The following LMO7 variants were observed in gnomAD, a reference collection of about 807,000 sequenced individuals.
LMO7 encodes the protein LIM domain only protein 7.
A neutral mutation model predicts 206.5 loss-of-function variants in LMO7; 120 were observed. That is an observed-to-expected ratio of 0.58 (90% CI 0.50 to 0.68). The LOEUF (loss-of-function observed/expected upper bound fraction) is 0.68. LMO7 is among the 30% of genes least tolerant of loss of function. LMO7 has a pLI of 0.00. For synonymous variants in LMO7, 706 were observed against 681.5 expected (o/e 1.04, Z -0.56); for missense variants, 1,959 against 1,957.9 (o/e 1.00, Z -0.01).
At chr13:75,708,007 A>G (rs1034686566) in intron 1 of LMO7, among the ~76,000 whole-genome samples, 2 of 152,174 alleles carry the variant, frequency 1.3e-5, no homozygotes, top group Non-Finnish European at 2.9e-5. Context: ...TATTCTAAAT[A>G]TAACTAACTC....
At chr13:75,809,323 C>T (rs2141106443) in intron 11 of LMO7, 140 bp downstream of exon 11, 2 of 672,068 alleles carry the variant, frequency 3.0e-6, no homozygotes, top group East Asian at 5.6e-5. Context: ...AAATGTTTAT[C>T]TTGCAACCTA....
intron 14 of LMO7, among the ~76,000 whole-genome samples, chr13:75,822,808 TTATATA>T (rs1014592175): frequency 9.2e-6 from 1 of 108,134 alleles, no homozygotes; most frequent in African/African-American, 3.4e-5. Flanking sequence ...TTTCTAAAAA[TTATATA>T]TATATAATAA....
chr13:75,726,867 C>G (rs928030402), intron 2 of LMO7, among the ~76,000 whole-genome samples, 162 bp from the exon 3 acceptor site: 1 of 152,048 alleles, frequency 6.6e-6, no homozygotes, highest in Admixed American at 6.6e-5. Flanking sequence ...TCTTCTTTGT[C>G]TCTAGACTTG....
intron 18 of LMO7, among the ~76,000 whole-genome samples, chr13:75,836,021 T>A (rs1286397630): frequency 6.6e-6 from 1 of 152,176 alleles, no homozygotes; most frequent in African/African-American, 2.4e-5. Context: ...TATAACTCTT[T>A]TATTTAATAA....
intron 1 of LMO7, among the ~76,000 whole-genome samples, chr13:75,699,322 TC>T (rs1366095562): frequency 2.0e-5 from 3 of 152,142 alleles, no homozygotes; most frequent in Admixed American, 2.0e-4. Context: ...TGCACTGTGG[TC>T]ATAAGTTTTG....
intron 26 of LMO7, among the ~76,000 whole-genome samples, chr13:75,848,535 C>G (rs944400469): frequency 1.3e-5 from 2 of 152,130 alleles, no homozygotes; most frequent in African/African-American, 4.8e-5. Context: ...CACATTTTTG[C>G]ATTGCGAATT....
At chr13:75,845,899 C>T (rs939542848) in intron 26 of LMO7, among the ~76,000 whole-genome samples, 1 of 152,078 alleles carries the variant, frequency 6.6e-6, no homozygotes, top group African/African-American at 2.4e-5. Context: ...AAACCCTAAG[C>T]GGTAATTACC....
chr13:75,753,105 G>T (rs375703122), intron 3 of LMO7, among the ~76,000 whole-genome samples: 1 of 152,072 alleles, frequency 6.6e-6, no homozygotes, highest in African/African-American at 2.4e-5. Flanking sequence ...GTCATTTTCT[G>T]TCTTTTTAAT....
chr13:75,833,306 C>G (rs1272119365), intron 16 of LMO7, 141 bp downstream of exon 16: 1 of 612,350 alleles, frequency 1.6e-6, no homozygotes, highest in Non-Finnish European at 3.0e-6. Flanking sequence ...AAAATACATC[C>G]TCTTTCCTGA....
intron 9 of LMO7, chr13:75,806,005 T>C: frequency 1.7e-6 from 2 of 1,207,224 alleles, no homozygotes; most frequent in Non-Finnish European, 1.1e-6. Flanking sequence ...TCTGTTTTTC[T>C]CCAATTCTTT....
intron 3 of LMO7, among the ~76,000 whole-genome samples, chr13:75,755,932 T>C (rs1450816414): frequency 1.3e-5 from 2 of 152,190 alleles, no homozygotes; most frequent in Non-Finnish European, 2.9e-5. Context: ...AAGTGAAGAA[T>C]AGAGTGACAA....
chr13:75,739,375 T>G (rs951463233), intron 3 of LMO7, among the ~76,000 whole-genome samples: 2 of 152,088 alleles, frequency 1.3e-5, no homozygotes, highest in Non-Finnish European at 2.9e-5. Context: ...CTTTCAGGAG[T>G]AGAATGTGTA....
intron 1 of LMO7, among the ~76,000 whole-genome samples, chr13:75,678,701 G>A (rs1205685733): frequency 3.3e-5 from 5 of 152,278 alleles, no homozygotes; most frequent in Admixed American, 1.3e-4. Context: ...TAAAAATAAT[G>A]TTCTAGTCTA....
intron 17 of LMO7, 160 bp from the exon 18 acceptor site, chr13:75,835,073 T>A (rs913405837): frequency 1.8e-5 from 14 of 789,400 alleles, no homozygotes; most frequent in Non-Finnish European, 2.5e-5. Flanking sequence ...TTTTTTTTTA[T>A]ATATATGTGC....
chr13:75,848,230 G>A, intron 26 of LMO7, among the ~76,000 whole-genome samples: 1 of 152,020 alleles, frequency 6.6e-6, no homozygotes, highest in East Asian at 1.9e-4. Context: ...ACCCTTTCCT[G>A]CTGAGTCCAC....
Position 75,841,862 on chromosome 13 carries a change from G to A in LMO7, c.3910G>A (p.Glu1304Lys), listed in dbSNP as rs2059577881. Residue 1304 changes from glutamate (E) to lysine (K), a missense_variant, in exon 24 of 31, where the codon GAA becomes AAA. By Grantham distance (56) the Glu-to-Lys change is moderately conservative. Coordinates refer to ENST00000377534, the MANE Select transcript of LMO7 (RefSeq NM_001306080.2). ...GAGGAAATGGGAGCAACAGCTTCAG[G>A]AAGAGCAAGAGCAAAAGCGGCTTCA... ...RERKWEQQLQEEQEQKRLQAE... is the reference protein window; with the variant it reads ...RERKWEQQLQKEQEQKRLQAE... 3.1e-6 allele frequency: 5 copies of A among 1,614,118 alleles called. No individual in the cohort carries two copies. Among genetic ancestry groups the A allele is most frequent in the Non-Finnish European group, 4.2e-6 (5 of 1,179,996 alleles).
chr13:75,844,333 T>G (rs1457443124), intron 25 of LMO7, among the ~76,000 whole-genome samples: 1 of 151,184 alleles, frequency 6.6e-6, no homozygotes, highest in Non-Finnish European at 1.5e-5. Context: ...TACATATATG[T>G]ACATAAGTAT....
At chr13:75,705,635 C>G (rs1358073466) in intron 1 of LMO7, among the ~76,000 whole-genome samples, 2 of 152,130 alleles carry the variant, frequency 1.3e-5, no homozygotes, top group African/African-American at 2.4e-5. Flanking sequence ...TGTGTCACAC[C>G]TTAAATAACT....
At position 75,626,595 on chromosome 13, in the gene LMO7, A is replaced by ATATTTTTTTTTTTTTTTTTTTTT; in HGVS notation, c.225+3276_225+3277insATTTTTTTTTTTTTTTTTTTTTT. Reference sequence around the variant, plus strand: ...ATATATATTATATATATATATATAAATTTTTTTGAGACAGGGTCTCACTCT... The same window carrying ATATTTTTTTTTTTTTTTTTTTTT: ...ATATATATTATATATATATATATAAATATTTTTTTTTTTTTTTTTTTTTTTTTTTTGAGACAGGGTCTCACTCT... On this transcript the variant is annotated intron_variant, in intron 2 of 29. Transcript: ENST00000341547. Among the ~76,000 whole-genome samples, 3 of 71,100 alleles carry ATATTTTTTTTTTTTTTTTTTTTT rather than the reference A, an allele frequency of 4.2e-5. 1 individual carries two copies. Among genetic ancestry groups the ATATTTTTTTTTTTTTTTTTTTTT allele is most frequent in the Non-Finnish European group, 1.1e-4 (3 of 27,608 alleles). The allele number at this position is 71,100 out of a possible 152,430, so 46.6% of individuals were successfully genotyped here.
Sources: gnomAD v4.1 joint callset for allele counts (sites outside exome capture counted in the v4.1 genomes callset) on GRCh38, gnomAD v4.1.1 for gene constraint, MANE v1.5 for transcripts, NCBI Gene and HGNC (gene_info 2026-07-23, HGNC 2026-07-21) for gene names.